ZNF423: variants seen among roughly 807,000 people sequenced by gnomAD.
ZNF423 encodes the protein zinc finger protein 423.
In ZNF423, 12 loss-of-function variants were observed where a neutral mutation model predicts 95.8. That is an observed-to-expected ratio of 0.13 (90% CI 0.08 to 0.20). The LOEUF is 0.20. Among genes scored for constraint, ZNF423 ranks in the 10% least tolerant of loss-of-function variants. The probability of loss-of-function intolerance (pLI) is 1.00; values close to 1 mark genes in which losing one functional copy is unlikely to be tolerated. For missense variants in ZNF423, 1,316 were observed against 1,737.1 expected, an observed-to-expected ratio of 0.76 and a Z score of 4.31; for synonymous variants, 749 against 711.9, an observed-to-expected ratio of 1.05 and a Z score of -0.83.
intron 3 of ZNF423, chr16:49,664,396 G>C: frequency 4.7e-6 from 3 of 637,292 alleles, no homozygotes; most frequent in Non-Finnish European, 5.9e-6. Context: ...GGAGGGAGAG[G>C]ACAGAGGAGG....
At chr16:49,738,891 C>A (rs116100596) in intron 2 of ZNF423, among the ~76,000 whole-genome samples, 127 of 152,122 alleles carry the variant, frequency 8.3e-4, no homozygotes, top group African/African-American at 3.0e-3. Flanking sequence ...TACCAGAGAA[C>A]CCAACTGTAC....
rs551638058 is a variant in ZNF423, at chr16:49,490,966, T to C, written c.*309A>G. The C allele has an allele frequency of 8.2e-6, 3 of 366,070 alleles. No individual in the cohort carries two copies. Among genetic ancestry groups the C allele is most frequent in the African/African-American group, 6.0e-5 (3 of 49,970 alleles). The allele number at this position is 366,070 out of a possible 1,614,324, so 22.7% of individuals were successfully genotyped here. A position where few individuals can be genotyped will look rare whatever the true frequency, so the allele number is the denominator to read the frequency against. On this transcript the variant is annotated 3_prime_UTR_variant, in exon 8 of 8. Transcript: ENST00000563137. ...TTTTAAAAACTATCAATATAATACA[T>C]GAAGGAACAAAGGACAATAGCCTTA...
At chr16:49,824,040 C>T (rs928217818) in intron 1 of ZNF423, among the ~76,000 whole-genome samples, 6 of 152,118 alleles carry the variant, frequency 3.9e-5, no homozygotes, top group African/African-American at 9.7e-5. Context: ...TATAATGCCA[C>T]GGCACTCCAG....
intron 5 of ZNF423, among the ~76,000 whole-genome samples, chr16:49,562,730 T>A (rs964066433): frequency 6.6e-6 from 1 of 152,200 alleles, no homozygotes; most frequent in African/African-American, 2.4e-5. Flanking sequence ...TATGGAAGAA[T>A]TTGTCCAAAT....
rs145681832 is a variant in ZNF423 at position 49,537,191 on chromosome 16, C to A, written c.3602-11697G>T. 4.0e-3 allele frequency among the ~76,000 whole-genome samples: 606 copies of A among 152,356 alleles called. 2 individuals carry two copies. The highest frequency in any genetic ancestry group is 6.9e-3 in the Non-Finnish European group (471 of 68,036). On this transcript the variant is annotated intron_variant, in intron 5 of 7. Transcript: ENST00000563137. ...GGAACACTGCAGAGCCATGAAGTTTCTCTGAAGGATGTAACCCAAATACCA... is the reference window on the plus strand; with the variant it reads ...GGAACACTGCAGAGCCATGAAGTTTATCTGAAGGATGTAACCCAAATACCA...
chr16:49,775,387 A>G (rs1283397336), intron 2 of ZNF423, among the ~76,000 whole-genome samples: 1 of 152,058 alleles, frequency 6.6e-6, no homozygotes, highest in East Asian at 1.9e-4. Flanking sequence ...CCCTTCCCTT[A>G]GGTTTTGACA....
intron 3 of ZNF423, among the ~76,000 whole-genome samples, chr16:49,677,282 A>AGAAGAGAAGGGAAGGGAAGG (rs2031119011): frequency 2.5e-5 from 2 of 81,500 alleles, no homozygotes; most frequent in South Asian, 6.8e-4. Context: ...AGAAGAGAAG[A>AGAAGAGAAGGGAAGGGAAGG]GAAGAGAAGA....
At chr16:49,656,982 C>G (rs1265142817) in intron 3 of ZNF423, among the ~76,000 whole-genome samples, 1 of 152,146 alleles carries the variant, frequency 6.6e-6, no homozygotes, top group Non-Finnish European at 1.5e-5. Flanking sequence ...GGCTGTGTTC[C>G]TAACCACCGC....
upstream of ZNF423, among the ~76,000 whole-genome samples, chr16:49,858,096 G>T (rs2035391356): frequency 6.6e-6 from 1 of 152,104 alleles, no homozygotes; most frequent in South Asian, 2.1e-4. The surrounding 1 kb of genome is among the most constrained non-coding windows in gnomAD (Gnocchi z 4.3). Context: ...TGCACGGCGC[G>T]GCGCTGGGGG....
chr16:49,541,885 T>TC (rs1311920216), intron 5 of ZNF423, among the ~76,000 whole-genome samples: 1 of 152,200 alleles, frequency 6.6e-6, no homozygotes, highest in Non-Finnish European at 1.5e-5. Flanking sequence ...TCCTGAGGCC[T>TC]CCCCAGCCCT....
chr16:49,692,360 C>A (rs770165532), intron 3 of ZNF423, among the ~76,000 whole-genome samples: 14 of 152,120 alleles, frequency 9.2e-5, no homozygotes, highest in Non-Finnish European at 1.9e-4. Flanking sequence ...CTCTGGCAGA[C>A]CCCCAGCACA....
At chr16:49,535,518 T>C (rs1025642947) in intron 5 of ZNF423, among the ~76,000 whole-genome samples, 3 of 152,178 alleles carry the variant, frequency 2.0e-5, no homozygotes, top group African/African-American at 7.2e-5. Flanking sequence ...AGGAGGTAAC[T>C]ATCTCAGCTT....
At chr16:49,659,721 C>T (rs2030101476) in intron 3 of ZNF423, among the ~76,000 whole-genome samples, 1 of 152,232 alleles carries the variant, frequency 6.6e-6, no homozygotes, top group South Asian at 2.1e-4. Flanking sequence ...ACACGAGGGG[C>T]TTCAGGTGCC....
chr16:49,492,321 G>A lies in ZNF423; in HGVS notation c.3850-1017C>T, dbSNP rs2151642456. On this transcript the variant is annotated intron_variant, in intron 7 of 7. Transcript: ENST00000563137. This position sits in a 1 kb window ranked among gnomAD's most constrained non-coding sequence, Gnocchi z 4.2. ...GCCGCACAGGACCCTAGATCCCCGGGAGAGGCTCCTTCTGGGCGCCCCCCA... is the reference window on the plus strand; with the variant it reads ...GCCGCACAGGACCCTAGATCCCCGGAAGAGGCTCCTTCTGGGCGCCCCCCA... Among the ~76,000 whole-genome samples, 1 of 152,340 alleles carries A rather than the reference G, an allele frequency of 6.6e-6. No individual in the cohort carries two copies. The highest frequency in any genetic ancestry group is 1.9e-4 in the East Asian group (1 of 5,164).
intron 2 of ZNF423, among the ~76,000 whole-genome samples, chr16:49,776,092 A>G (rs370905506): frequency 3.9e-5 from 6 of 152,324 alleles, no homozygotes; most frequent in African/African-American, 1.2e-4. Flanking sequence ...AGCTCAGGTG[A>G]CAGCATAGAT....
chr16:49,594,421 C>A (rs1336160187), intron 5 of ZNF423, among the ~76,000 whole-genome samples: 1 of 152,116 alleles, frequency 6.6e-6, no homozygotes, highest in Non-Finnish European at 1.5e-5. Flanking sequence ...TTACCTCTCT[C>A]ACACAGACAC....
At chr16:49,801,408 C>A (rs1293581457) in intron 1 of ZNF423, among the ~76,000 whole-genome samples, 1 of 152,196 alleles carries the variant, frequency 6.6e-6, no homozygotes, top group African/African-American at 2.4e-5. Flanking sequence ...CACCTGGGGG[C>A]CCAGACGAGG....
At chr16:49,696,545 G>A (rs1448284052) in intron 3 of ZNF423, among the ~76,000 whole-genome samples, 9 of 152,116 alleles carry the variant, frequency 5.9e-5, no homozygotes, top group African/African-American at 1.7e-4. Context: ...GCCCAGGCCC[G>A]CCAGGCCTGG....
chr16:49,546,976 T>C (rs1231567307), intron 5 of ZNF423, among the ~76,000 whole-genome samples: 1 of 148,504 alleles, frequency 6.7e-6, no homozygotes, highest in Non-Finnish European at 1.5e-5. Context: ...CTGTCCAGAA[T>C]GGACAAAAGT....
Sources: gnomAD v4.1 joint callset for allele counts (sites outside exome capture counted in the v4.1 genomes callset) on GRCh38, gnomAD v4.1.1 for gene constraint, Gnocchi (gnomAD v3.1) non-coding constraint, MANE v1.5 for transcripts, NCBI Gene and HGNC (gene_info 2026-07-23, HGNC 2026-07-21) for gene names.